ROBO1: variants seen among roughly 807,000 people sequenced by gnomAD.
ROBO1 encodes the protein roundabout homolog 1.
Under a neutral mutation model 195.9 loss-of-function variants are expected in ROBO1, and 149 were observed. The ratio of observed to expected loss-of-function variants is 0.76; its 90% CI spans 0.67 to 0.87. The LOEUF (loss-of-function observed/expected upper bound fraction) is 0.87. ROBO1 is among the 40% of genes least tolerant of loss of function. ROBO1 has a pLI of 0.00. For missense variants in ROBO1, 1,933 were observed against 2,068.3 expected, an observed-to-expected ratio of 0.93 and a Z score of 1.27; for synonymous variants, 816 against 733.2, an observed-to-expected ratio of 1.11 and a Z score of -1.82.
At chr3:78,998,550 C>T (rs894980871) in intron 3 of ROBO1, among the ~76,000 whole-genome samples, 17 of 152,116 alleles carry the variant, frequency 1.1e-4, no homozygotes, top group Admixed American at 1.3e-4. Context: ...AACCTAAGTG[C>T]AATTCCCAGT....
In ROBO1 at chr3:78,705,568, T is replaced by C. The variant is rs1169865079; in HGVS notation, c.1045+8829A>G. On this transcript the variant is annotated intron_variant, in intron 8 of 30. Transcript: ENST00000464233. ...TACAAGAACATCAAGGTTTCTGTGA[T>C]GGTGAATTTTATGTGTCCATTTGAG... 2.0e-5 allele frequency among the ~76,000 whole-genome samples: 3 copies of C among 152,180 alleles called. No individual in the cohort carries two copies. In the East Asian group the frequency reaches 5.8e-4, roughly 29 times the overall value.
intron 2 of ROBO1, among the ~76,000 whole-genome samples, chr3:79,282,639 A>G (rs1559788439): frequency 6.6e-6 from 1 of 152,208 alleles, no homozygotes; most frequent in East Asian, 1.9e-4. Context: ...AATTAGGTAG[A>G]TGTTTTACCG....
chr3:78,978,762 C>G (rs992892257), intron 3 of ROBO1, among the ~76,000 whole-genome samples: 1 of 152,138 alleles, frequency 6.6e-6, no homozygotes, highest in African/African-American at 2.4e-5. Context: ...AATAGATCTT[C>G]GCTCTCAATA....
At chr3:78,899,023 C>G (rs919862185) in intron 4 of ROBO1, among the ~76,000 whole-genome samples, 4 of 152,138 alleles carry the variant, frequency 2.6e-5, no homozygotes, top group African/African-American at 9.7e-5. Context: ...TGTATTTGTT[C>G]TTTCCTCTCA....
At chr3:79,521,311 C>A (rs1941200347) in intron 2 of ROBO1, among the ~76,000 whole-genome samples, 1 of 152,160 alleles carries the variant, frequency 6.6e-6, no homozygotes, top group African/African-American at 2.4e-5. Context: ...ATACACAACT[C>A]CAATTTTCTT....
intron 3 of ROBO1, among the ~76,000 whole-genome samples, chr3:79,110,707 T>C (rs1459417911): frequency 6.6e-6 from 1 of 150,952 alleles, no homozygotes; most frequent in Non-Finnish European, 1.5e-5. Flanking sequence ...ACTGCAGCCT[T>C]GAACTCCTGG....
At chr3:79,245,967 C>G (rs2082617830) in intron 2 of ROBO1, among the ~76,000 whole-genome samples, 2 of 152,022 alleles carry the variant, frequency 1.3e-5, no homozygotes, top group Admixed American at 6.6e-5. Context: ...ATCTCTGACT[C>G]AAATGGTCCC....
intron 3 of ROBO1, among the ~76,000 whole-genome samples, chr3:79,043,845 A>G (rs572333524): frequency 1.3e-5 from 2 of 152,244 alleles, no homozygotes; most frequent in East Asian, 1.9e-4. Flanking sequence ...TTTGCTCTCT[A>G]TGTCTAATGG....
intron 2 of ROBO1, among the ~76,000 whole-genome samples, chr3:79,360,886 G>A (rs918150560): frequency 5.9e-5 from 9 of 152,042 alleles, no homozygotes; most frequent in Non-Finnish European, 1.3e-4. Flanking sequence ...TGTGAAATAA[G>A]TGCTACCCTT....
At chr3:79,076,077 A>G (rs558724227) in intron 3 of ROBO1, among the ~76,000 whole-genome samples, 44 of 151,210 alleles carry the variant, frequency 2.9e-4, no homozygotes, top group African/African-American at 1.0e-3. Context: ...TTCCATTTGT[A>G]AAAATTCAAT....
intron 2 of ROBO1, among the ~76,000 whole-genome samples, chr3:79,484,657 T>C (rs754544105): frequency 6.6e-6 from 1 of 151,804 alleles, no homozygotes; most frequent in Non-Finnish European, 1.5e-5. Context: ...GTGATAGTTC[T>C]CTCCTGTGCT....
intron 2 of ROBO1, among the ~76,000 whole-genome samples, chr3:79,439,437 G>T (rs1001394316): frequency 6.6e-6 from 1 of 151,952 alleles, no homozygotes; most frequent in Non-Finnish European, 1.5e-5. Context: ...TCACATAAAT[G>T]AATTTACCAA....
rs544969837 is a variant in ROBO1 at position 78,914,871 on chromosome 3, A to T, written c.499+23730T>A. ...CATGAAGAAAATACATTCTTAAGGT[A>T]AGATAATAAATGCCATATCAATTAT... is the stretch of plus-strand genomic sequence containing the variant. On this transcript the variant is annotated intron_variant, in intron 4 of 30. Coordinates refer to ENST00000464233, the MANE Select transcript of ROBO1 (RefSeq NM_002941.4). Among the ~76,000 whole-genome samples, 9 of 151,184 alleles carry T rather than the reference A, an allele frequency of 6.0e-5. No individual in the cohort carries two copies. In the East Asian group the frequency reaches 1.7e-3, roughly 29 times the overall value.
chr3:78,725,728 T>A (rs535173110), intron 5 of ROBO1, among the ~76,000 whole-genome samples: 1 of 152,312 alleles, frequency 6.6e-6, no homozygotes. Flanking sequence ...TTTAAAAAAG[T>A]AAATTCAGTA....
At chr3:79,093,421 G>T (rs2079513435) in intron 3 of ROBO1, among the ~76,000 whole-genome samples, 1 of 152,040 alleles carries the variant, frequency 6.6e-6, no homozygotes, top group Admixed American at 6.6e-5. Flanking sequence ...ATTAGGGCTT[G>T]TCAATAAGCA....
intron 3 of ROBO1, among the ~76,000 whole-genome samples, chr3:79,093,886 G>A (rs2079521170): frequency 6.6e-6 from 1 of 152,054 alleles, no homozygotes; most frequent in African/African-American, 2.4e-5. Context: ...CAGAGAAACA[G>A]GGGGAGAGCT....
Position 78,867,026 on chromosome 3 carries a change from T to C in ROBO1, c.499+71575A>G, listed in dbSNP as rs75522533. Among the ~76,000 whole-genome samples, 1,488 of 152,326 alleles carry C rather than the reference T, an allele frequency of 9.8e-3. 26 individuals are homozygous for C. Among genetic ancestry groups the C allele is most frequent in the African/African-American group, 0.034 (1,414 of 41,580 alleles). ...TTTCCACTACGTTTGCCATTTGTAT[T>C]TGAAAGACTTGGTCTATCATTAATT... is the stretch of plus-strand genomic sequence containing the variant. On this transcript the variant is annotated intron_variant, in intron 4 of 30. Coordinates refer to ENST00000464233, the MANE Select transcript of ROBO1 (RefSeq NM_002941.4).
At chr3:78,681,679 T>C (rs899016039) in intron 10 of ROBO1, among the ~76,000 whole-genome samples, 2 of 151,690 alleles carry the variant, frequency 1.3e-5, no homozygotes, top group South Asian at 2.1e-4. Flanking sequence ...CCGAGGCGGG[T>C]GGATCACGAG....
At chr3:78,637,296 T>C (rs1705582456) in intron 22 of ROBO1, among the ~76,000 whole-genome samples, 1 of 152,144 alleles carries the variant, frequency 6.6e-6, no homozygotes, top group Non-Finnish European at 1.5e-5. Flanking sequence ...AACAGAAATA[T>C]TTGATTCATC....
Sources: allele counts gnomAD v4.1 joint callset (sites outside exome capture counted in the v4.1 genomes callset), GRCh38; gene constraint gnomAD v4.1.1; transcripts MANE v1.5; gene names NCBI Gene and HGNC (gene_info 2026-07-23, HGNC 2026-07-21).